The following GRAMD1B variants were observed in gnomAD, a reference collection of about 807,000 sequenced individuals.
GRAMD1B encodes GRAM domain containing 1B.
A neutral mutation model predicts 99.7 loss-of-function variants in GRAMD1B; 37 were observed. The observed-to-expected ratio is 0.37, with a 90% CI of 0.29 to 0.49. GRAMD1B has a LOEUF of 0.49. Ranked by LOEUF, GRAMD1B falls within the 20% of genes least tolerant of loss-of-function variation. The pLI, the probability that GRAMD1B is intolerant of heterozygous loss-of-function variation, is 0.98. For missense variants in GRAMD1B, 888 were observed against 1,009.2 expected, an observed-to-expected ratio of 0.88 and a Z score of 1.63; for synonymous variants, 427 against 387.6, an observed-to-expected ratio of 1.10 and a Z score of -1.19.
intron 7 of GRAMD1B, among the ~76,000 whole-genome samples, chr11:123,596,664 G>C (rs1349249455): frequency 6.6e-6 from 1 of 152,224 alleles, no homozygotes; most frequent in Non-Finnish European, 1.5e-5. Flanking sequence ...GAGCCAGGAG[G>C]CTTTGGGGTC....
At chr11:123,576,628 T>C (rs1948743056) in intron 2 of GRAMD1B, among the ~76,000 whole-genome samples, 1 of 152,174 alleles carries the variant, frequency 6.6e-6, no homozygotes, top group Non-Finnish European at 1.5e-5. Context: ...GGAATAAATG[T>C]TGGGGTAAGG....
chr11:123,613,330 C>A, intron 15 of GRAMD1B, 125 bp from the exon 16 acceptor site: 1 of 681,558 alleles, frequency 1.5e-6, no homozygotes, highest in Admixed American at 2.6e-5. Flanking sequence ...GGCTCATGGG[C>A]ATCCCTGAGG....
At chr11:123,437,720 T>G (rs995176182) in intron 1 of GRAMD1B, among the ~76,000 whole-genome samples, 1 of 152,198 alleles carries the variant, frequency 6.6e-6, no homozygotes, top group Admixed American at 6.5e-5. Flanking sequence ...AGGTCATCTC[T>G]CTGGTGCCAG....
chr11:123,487,716 T>C (rs1938021094), intron 2 of GRAMD1B, among the ~76,000 whole-genome samples: 1 of 152,190 alleles, frequency 6.6e-6, no homozygotes, highest in East Asian at 1.9e-4. Flanking sequence ...GCAAGTGTCT[T>C]GTCTCAGCCT....
chr11:123,495,652 A>G (rs1437043980), intron 2 of GRAMD1B, among the ~76,000 whole-genome samples: 2 of 147,444 alleles, frequency 1.4e-5, no homozygotes, highest in African/African-American at 5.0e-5. Context: ...AATAAGTGAA[A>G]CCATGCGAAG....
At chr11:123,533,263 G>A (rs749264387) in intron 2 of GRAMD1B, among the ~76,000 whole-genome samples, 1 of 152,032 alleles carries the variant, frequency 6.6e-6, no homozygotes, top group South Asian at 2.1e-4. Flanking sequence ...GAGCCACCGC[G>A]CCTGGCCTGT....
At chr11:123,601,968 C>T (rs1394176908) in intron 8 of GRAMD1B, among the ~76,000 whole-genome samples, 1 of 152,180 alleles carries the variant, frequency 6.6e-6, no homozygotes, top group Non-Finnish European at 1.5e-5. Flanking sequence ...AGAGAGCAAG[C>T]AAAGGGTGGA....
At chr11:123,486,554 G>GAAAAAA (rs770942713) in intron 2 of GRAMD1B, among the ~76,000 whole-genome samples, 14 of 102,306 alleles carry the variant, frequency 1.4e-4, no homozygotes, top group Non-Finnish European at 1.6e-4. Flanking sequence ...TCTCAAAAAA[G>GAAAAAA]AAAAAAAAAA....
chr11:123,540,831 G>C (rs898149290), intron 2 of GRAMD1B, among the ~76,000 whole-genome samples: 2 of 151,628 alleles, frequency 1.3e-5, no homozygotes, highest in African/African-American at 4.8e-5. Flanking sequence ...AATAAGTGTT[G>C]GTTTTCATAG....
At chr11:123,437,599 C>T (rs1327629054) in intron 1 of GRAMD1B, among the ~76,000 whole-genome samples, 1 of 152,110 alleles carries the variant, frequency 6.6e-6, no homozygotes, top group East Asian at 1.9e-4. Flanking sequence ...CATGACTGCT[C>T]ACAGTCTAGC....
intron 1 of GRAMD1B, among the ~76,000 whole-genome samples, chr11:123,383,049 T>A (rs1210397525): frequency 2.0e-5 from 3 of 152,116 alleles, no homozygotes; most frequent in African/African-American, 7.2e-5. Context: ...TGGGGCTGTG[T>A]AGCAAGATGG....
At chr11:123,543,946 C>T (rs567436895) in intron 2 of GRAMD1B, among the ~76,000 whole-genome samples, 3 of 152,126 alleles carry the variant, frequency 2.0e-5, no homozygotes, top group Non-Finnish European at 4.4e-5. Context: ...ATTTACTGTC[C>T]GGCCCTTTGC....
chr11:123,531,978 C>A (rs1346421016), intron 2 of GRAMD1B, among the ~76,000 whole-genome samples: 1 of 152,088 alleles, frequency 6.6e-6, no homozygotes, highest in Non-Finnish European at 1.5e-5. Context: ...CTCAGGTAAT[C>A]TGCCCACCTC....
chr11:123,540,756 T>TACAC (rs1944434880), intron 2 of GRAMD1B, among the ~76,000 whole-genome samples: 2 of 152,266 alleles, frequency 1.3e-5, no homozygotes, highest in Admixed American at 1.3e-4. Context: ...TATAGATAGA[T>TACAC]ACACACATAC....
Position 123,482,702 on chromosome 11 carries a change from G to A in GRAMD1B, c.452+1809G>A, listed in dbSNP as rs142795591. ...CGTGTATTATTCCAGTTCTTTGAAA[G>A]TGGATGTGGATGCATTAGAGTCCAT... is the stretch of plus-strand genomic sequence containing the variant. On this transcript the variant is annotated intron_variant, in intron 2 of 19. Coordinates refer to ENST00000635736, the MANE Select transcript of GRAMD1B (RefSeq NM_001387025.1). Among the ~76,000 whole-genome samples, 81 of 152,286 alleles carry A rather than the reference G, an allele frequency of 5.3e-4. 1 individual carries two copies. In the East Asian group the frequency reaches 0.012, roughly 22 times the overall value.
At chr11:123,600,603 T>A (rs1316084761) in intron 8 of GRAMD1B, 55 bp downstream of exon 8, 9 of 1,107,520 alleles carry the variant, frequency 8.1e-6, no homozygotes, top group African/African-American at 3.1e-5. Context: ...TAGAGAAGCC[T>A]TTGTCTCCTC....
At chr11:123,454,089 A>T (rs1037329049) in intron 1 of GRAMD1B, among the ~76,000 whole-genome samples, 1 of 152,212 alleles carries the variant, frequency 6.6e-6, no homozygotes, top group Admixed American at 6.5e-5. Flanking sequence ...TCCTGCTTCC[A>T]TGGAGTAAAA....
At chr11:123,432,514 C>T (rs1352033715) in intron 1 of GRAMD1B, among the ~76,000 whole-genome samples, 1 of 150,930 alleles carries the variant, frequency 6.6e-6, no homozygotes, top group East Asian at 1.9e-4. Context: ...CAAGACTGTG[C>T]CACTGCACTC....
intron 2 of GRAMD1B, among the ~76,000 whole-genome samples, chr11:123,567,307 T>C (rs990525269): frequency 3.3e-5 from 5 of 152,202 alleles, no homozygotes; most frequent in African/African-American, 1.2e-4. Context: ...AATCCTTCTC[T>C]TAGGGGATAT....
Sources: gnomAD v4.1 joint callset for allele counts (sites outside exome capture counted in the v4.1 genomes callset) on GRCh38, gnomAD v4.1.1 for gene constraint, MANE v1.5 for transcripts, NCBI Gene and HGNC (gene_info 2026-07-23, HGNC 2026-07-21) for gene names.